Variants in FGF14 observed in about 807,000 individuals in gnomAD.
The protein encoded by FGF14 is fibroblast growth factor 14, also known as fibroblast growth factor homologous factor 4.
In FGF14, 5 loss-of-function variants were observed where a neutral mutation model predicts 25.5. That is an observed-to-expected ratio of 0.20 (90% CI 0.10 to 0.41). The LOEUF (loss-of-function observed/expected upper bound fraction) is 0.41, where lower values mean the gene tolerates loss of function less well. FGF14 is among the 10% of genes least tolerant of loss of function. The probability of loss-of-function intolerance (pLI) is 1.00; values close to 1 mark genes in which losing one functional copy is unlikely to be tolerated. For missense variants in FGF14, 222 were observed against 320.1 expected (o/e 0.69, Z 2.34); for synonymous variants, 138 against 118.3 (o/e 1.17, Z -1.08).
rs151276283 is a variant in FGF14, at chr13:102,073,848, T to C, written c.209-198552A>G. On this transcript the variant is annotated intron_variant, in intron 1 of 4. Coordinates refer to the FGF14 transcript ENST00000376131. Reference sequence around the variant, plus strand: ...GACCAAGGCCTTGATCTGAGGGAGATGGGGGATTCCCTGGAGCTAAGGAAA... The same window carrying C: ...GACCAAGGCCTTGATCTGAGGGAGACGGGGGATTCCCTGGAGCTAAGGAAA... 1.6e-4 allele frequency among the ~76,000 whole-genome samples: 24 copies of C among 152,248 alleles called. No individual in the cohort carries two copies. In the East Asian group the frequency reaches 3.7e-3, roughly 23 times the overall value.
intron 1 of FGF14, among the ~76,000 whole-genome samples, chr13:102,326,369 T>C (rs564537578): frequency 8.9e-4 from 135 of 152,272 alleles, no homozygotes; most frequent in African/African-American, 3.2e-3. Flanking sequence ...CTAAGTTCAA[T>C]TTAAATAAAT....
At chr13:102,170,888 A>G (rs563958924) in intron 1 of FGF14, among the ~76,000 whole-genome samples, 1 of 152,266 alleles carries the variant, frequency 6.6e-6, no homozygotes, top group South Asian at 2.1e-4. Context: ...ATTTTCAACC[A>G]CTTCTGGTGC....
intron 1 of FGF14, among the ~76,000 whole-genome samples, chr13:102,129,697 G>A (rs1360043285): frequency 1.3e-5 from 2 of 151,888 alleles, no homozygotes; most frequent in African/African-American, 4.8e-5. Context: ...TGGGATGGGG[G>A]TAGGGGGGAG....
At chr13:102,349,524 A>C (rs1408898172) in intron 1 of FGF14, among the ~76,000 whole-genome samples, 1 of 152,256 alleles carries the variant, frequency 6.6e-6, no homozygotes, top group East Asian at 1.9e-4. Context: ...GTGTTGAACA[A>C]GCATATTAAG....
intron 1 of FGF14, among the ~76,000 whole-genome samples, chr13:102,013,083 G>A (rs1251630346): frequency 6.6e-6 from 1 of 151,984 alleles, no homozygotes. Context: ...TGAGCCCAGG[G>A]GGTGAAGGAT....
chr13:101,814,461 G>C (rs777894858), intron 3 of FGF14, among the ~76,000 whole-genome samples: 1 of 152,080 alleles, frequency 6.6e-6, no homozygotes, highest in African/African-American at 2.4e-5. Context: ...ACCTTTTAAG[G>C]GTAAAATTCA....
At chr13:102,082,751 G>A (rs1167479456) in intron 1 of FGF14, among the ~76,000 whole-genome samples, 1 of 151,892 alleles carries the variant, frequency 6.6e-6, no homozygotes, top group East Asian at 1.9e-4. Context: ...TCAGGAGATC[G>A]AGACCATCCC....
intron 1 of FGF14, among the ~76,000 whole-genome samples, chr13:102,058,739 T>C (rs945819440): frequency 6.6e-6 from 1 of 152,202 alleles, no homozygotes; most frequent in Non-Finnish European, 1.5e-5. Context: ...TCCATTTTAA[T>C]GAGTTTTTTA....
intron 3 of FGF14, among the ~76,000 whole-genome samples, chr13:101,791,335 T>G (rs2040221118): frequency 6.6e-6 from 1 of 152,150 alleles, no homozygotes; most frequent in Non-Finnish European, 1.5e-5. Flanking sequence ...CTAGCCTTAA[T>G]GAGCTGACAA....
At chr13:101,917,129 G>A (rs528743380), upstream of FGF14, among the ~76,000 whole-genome samples, 1 of 151,606 alleles carries the variant, frequency 6.6e-6, no homozygotes, top group Non-Finnish European at 1.5e-5. Context: ...GGTCGCGCTG[G>A]GCAGGACTCA....
intron 3 of FGF14, among the ~76,000 whole-genome samples, chr13:101,845,567 G>T (rs187466783): frequency 2.6e-5 from 4 of 151,994 alleles, no homozygotes; most frequent in African/African-American, 7.2e-5. Context: ...GACAGTGAAG[G>T]CATGCTGAGA....
intron 1 of FGF14, among the ~76,000 whole-genome samples, chr13:102,180,027 C>T (rs565084526): frequency 1.0e-3 from 157 of 151,986 alleles, no homozygotes; most frequent in Non-Finnish European, 1.9e-3. Context: ...TGTTTTACTG[C>T]TAATGCAAAA....
At chr13:102,300,420 C>T (rs548789751) in intron 1 of FGF14, 2 of 152,232 alleles carry the variant, frequency 1.3e-5, no homozygotes, top group South Asian at 4.1e-4. Context: ...CCCCCCTCAG[C>T]AAATTATTCA....
chr13:101,937,814 G>T (rs905050046), intron 1 of FGF14, among the ~76,000 whole-genome samples: 2 of 152,124 alleles, frequency 1.3e-5, no homozygotes, highest in Admixed American at 1.3e-4. Context: ...TGGCCAGGCT[G>T]GTCTCAGTCT....
At chr13:101,903,300 C>A (rs2031808490) in intron 1 of FGF14, among the ~76,000 whole-genome samples, 1 of 151,712 alleles carries the variant, frequency 6.6e-6, no homozygotes, top group African/African-American at 2.4e-5. Context: ...CTAGGCTTGT[C>A]ATTATTTCCA....
Position 101,916,748 on chromosome 13 carries a change from G to T in FGF14, c.-103C>A. On this transcript the variant is annotated 5_prime_UTR_variant, in exon 1 of 5. Transcript: ENST00000376143. ...GCGCAGACCGTGGCTCGCCCTCGGG[G>T]CAGAGGAGGGGGTGCCAGGCGGGAC... 1 of 1,025,634 alleles carries T rather than the reference G, an allele frequency of 9.8e-7. No individual in the cohort carries two copies. Among genetic ancestry groups the T allele is most frequent in the Non-Finnish European group, 1.4e-6 (1 of 728,014 alleles). The allele number at this position is 1,025,634 out of a possible 1,614,324, so 63.5% of individuals were successfully genotyped here. A position where few individuals can be genotyped will look rare whatever the true frequency, so the allele number is the denominator to read the frequency against.
chr13:102,384,067 AATGTTTGTTTTTTCT>A (rs2058247320), intron 1 of FGF14, among the ~76,000 whole-genome samples: 1 of 152,184 alleles, frequency 6.6e-6, no homozygotes, highest in South Asian at 2.1e-4. Context: ...AGTGTTTTTC[AATGTTTGTTTTTTCT>A]ATAATCAAAA....
intron 1 of FGF14, among the ~76,000 whole-genome samples, chr13:102,335,634 G>A (rs986148592): frequency 6.6e-6 from 1 of 152,176 alleles, no homozygotes; most frequent in Non-Finnish European, 1.5e-5. Context: ...GGAAGTACCA[G>A]ATACAATGCA....
At chr13:101,953,265 T>C (rs1353613867) in intron 1 of FGF14, among the ~76,000 whole-genome samples, 1 of 152,182 alleles carries the variant, frequency 6.6e-6, no homozygotes, top group African/African-American at 2.4e-5. Context: ...AACGGTTTTA[T>C]ATTCTTCTGA....
Sources: allele counts gnomAD v4.1 joint callset (sites outside exome capture counted in the v4.1 genomes callset), GRCh38; gene constraint gnomAD v4.1.1; transcripts MANE v1.5; gene names NCBI Gene and HGNC (gene_info 2026-07-23, HGNC 2026-07-21).